PANX1: variants seen among roughly 807,000 people sequenced by gnomAD.
PANX1 encodes pannexin-1.
PANX1 carries 30 observed loss-of-function variants against 38.7 expected under a neutral mutation model. That is an observed-to-expected ratio of 0.78 (90% confidence interval 0.58 to 1.05). PANX1 has a LOEUF of 1.05. Among genes scored for constraint, PANX1 ranks in the 50% least tolerant of loss-of-function variants. The pLI, the probability that PANX1 is intolerant of heterozygous loss-of-function variation, is 0.00. For synonymous variants in PANX1, 230 were observed against 212.2 expected, an observed-to-expected ratio of 1.08 and a Z score of -0.73; for missense variants, 551 against 517.2, an observed-to-expected ratio of 1.07 and a Z score of -0.63.
intron 1 of PANX1, among the ~76,000 whole-genome samples, chr11:94,148,340 G>T (rs995485013): frequency 2.0e-5 from 3 of 152,216 alleles, no homozygotes; most frequent in Non-Finnish European, 4.4e-5. Context: ...TAACATTATT[G>T]TATTTTATGA....
chr11:94,141,795 C>G (rs1252501179), intron 1 of PANX1, among the ~76,000 whole-genome samples: 1 of 152,154 alleles, frequency 6.6e-6, no homozygotes, highest in Non-Finnish European at 1.5e-5. Flanking sequence ...TACAGAATTT[C>G]TCAGTGCCTA....
chr11:94,176,695 C>A (rs1947236294), intron 2 of PANX1, among the ~76,000 whole-genome samples: 1 of 151,590 alleles, frequency 6.6e-6, no homozygotes, highest in African/African-American at 2.4e-5. Flanking sequence ...TCGTCCATTA[C>A]AACTCTGAGA....
At chr11:94,146,569 C>A (rs1326233542) in intron 1 of PANX1, among the ~76,000 whole-genome samples, 1 of 152,200 alleles carries the variant, frequency 6.6e-6, no homozygotes, top group Non-Finnish European at 1.5e-5. Flanking sequence ...GAAAGGTCAT[C>A]CAATGCTCCC....
chr11:94,175,853 C>G, intron 2 of PANX1: 1 of 984,772 alleles, frequency 1.0e-6, no homozygotes, highest in Non-Finnish European at 1.2e-6. Flanking sequence ...AACACCTCAT[C>G]CCGTGCCAGA....
intron 2 of PANX1, among the ~76,000 whole-genome samples, chr11:94,162,179 A>T (rs1024165301): frequency 2.0e-5 from 3 of 152,158 alleles, no homozygotes; most frequent in Admixed American, 6.5e-5. Flanking sequence ...GACCCACTTG[A>T]GGAGGCAGTC....
At chr11:94,152,273 T>C (rs980482483) in intron 1 of PANX1, among the ~76,000 whole-genome samples, 1 of 152,212 alleles carries the variant, frequency 6.6e-6, no homozygotes, top group African/African-American at 2.4e-5. Flanking sequence ...GTTTTTTGTT[T>C]TTTGTGTGTT....
intron 2 of PANX1, among the ~76,000 whole-genome samples, chr11:94,162,158 C>T (rs1446867166): frequency 6.6e-6 from 1 of 152,178 alleles, no homozygotes; most frequent in East Asian, 1.9e-4. Flanking sequence ...TTAGGCTGCT[C>T]GGGGGTCAGG....
At chr11:94,139,366 G>A (rs1307760657) in intron 1 of PANX1, among the ~76,000 whole-genome samples, 1 of 152,148 alleles carries the variant, frequency 6.6e-6, no homozygotes, top group Non-Finnish European at 1.5e-5. Flanking sequence ...ATATTTAAAA[G>A]GCTCTTGAAT....
At chr11:94,167,597 C>A (rs1422725784) in intron 2 of PANX1, among the ~76,000 whole-genome samples, 1 of 152,144 alleles carries the variant, frequency 6.6e-6, no homozygotes. Context: ...GATTGATCAA[C>A]CATGCATTTT....
rs1366421430 is a variant in PANX1 at position 94,173,779 on chromosome 11, GTGGT to G, written c.322-4589_322-4586del. 4.0e-5 allele frequency among the ~76,000 whole-genome samples: 6 copies of G among 151,840 alleles called. No individual in the cohort carries two copies. In the South Asian group the frequency reaches 1.0e-3, roughly 26 times the overall value. On this transcript the variant is annotated intron_variant, in intron 2 of 4. Coordinates refer to ENST00000227638, the MANE Select transcript of PANX1 (RefSeq NM_015368.4). ...ATATATTTGATTTTGCCCTCTACCA[GTGGT>G]ACCCCATTGTGTATGGTGTGGGAAT...
intron 2 of PANX1, among the ~76,000 whole-genome samples, chr11:94,160,878 A>T (rs1947022456): frequency 6.6e-6 from 1 of 151,958 alleles, no homozygotes; most frequent in African/African-American, 2.4e-5. Flanking sequence ...GTTCCTTTCC[A>T]TGTTTAGTGC....
At chr11:94,162,743 A>G (rs1591519683) in intron 2 of PANX1, among the ~76,000 whole-genome samples, 1 of 150,930 alleles carries the variant, frequency 6.6e-6, no homozygotes, top group Middle Eastern at 3.5e-3. Flanking sequence ...ACTTTCTGAC[A>G]CTCCCCAGTG....
chr11:94,180,427 G>C (rs1196157839), intron 4 of PANX1, among the ~76,000 whole-genome samples, 170 bp downstream of exon 4: 1 of 152,140 alleles, frequency 6.6e-6, no homozygotes, highest in African/African-American at 2.4e-5. Context: ...TCAGTATAAG[G>C]AGAGAGAGGA....
intron 1 of PANX1, among the ~76,000 whole-genome samples, chr11:94,130,517 G>T (rs1460001536): frequency 3.3e-5 from 3 of 91,174 alleles, no homozygotes; most frequent in Non-Finnish European, 4.4e-5. Context: ...TCAGAACTGT[G>T]AAGTTATTGT....
At chr11:94,149,633 T>C (rs1013074942) in intron 1 of PANX1, among the ~76,000 whole-genome samples, 5 of 152,208 alleles carry the variant, frequency 3.3e-5, no homozygotes, top group Non-Finnish European at 5.9e-5. Context: ...CTGAAACTCC[T>C]TTCTTTCTTT....
Position 94,174,126 on chromosome 11 carries a change from T to TCATTGGATTAGGACC in PANX1, c.322-4240_322-4226dup, listed in dbSNP as rs367866462. ...TTTGGCCTTCTGATAAGGACACAAG[T>TCATTGGATTAGGACC]CATTGGATTAGGACCCACCCTAATT... On this transcript the variant is annotated intron_variant, in intron 2 of 4. Coordinates refer to ENST00000227638, the MANE Select transcript of PANX1 (RefSeq NM_015368.4). Among the ~76,000 whole-genome samples, 673 of 151,666 alleles carry TCATTGGATTAGGACC rather than the reference T, an allele frequency of 4.4e-3. 23 individuals are homozygous for TCATTGGATTAGGACC. Among genetic ancestry groups the TCATTGGATTAGGACC allele is most frequent in the African/African-American group, 0.016 (639 of 40,986 alleles).
intron 2 of PANX1, among the ~76,000 whole-genome samples, chr11:94,170,577 T>C (rs954126257): frequency 4.0e-5 from 6 of 151,788 alleles, no homozygotes; most frequent in Admixed American, 6.5e-5. Flanking sequence ...AATTGCTGGA[T>C]TCTCTTTCAA....
intron 2 of PANX1, among the ~76,000 whole-genome samples, chr11:94,173,828 G>C (rs184890562): frequency 1.3e-5 from 2 of 151,808 alleles, no homozygotes; most frequent in Admixed American, 1.3e-4. Flanking sequence ...TCTTAATTCA[G>C]TCTCTGCTTA....
chr11:94,158,413 T>C (rs1365044168), intron 2 of PANX1, among the ~76,000 whole-genome samples: 1 of 152,224 alleles, frequency 6.6e-6, no homozygotes, highest in African/African-American at 2.4e-5. Flanking sequence ...TTGTGTCCTC[T>C]TTAATTTCAT....
Sources: gnomAD v4.1 joint callset for allele counts (sites outside exome capture counted in the v4.1 genomes callset) on GRCh38, gnomAD v4.1.1 for gene constraint, MANE v1.5 for transcripts, NCBI Gene and HGNC (gene_info 2026-07-23, HGNC 2026-07-21) for gene names.